The following EGLN3 variants were observed in gnomAD, a reference collection of about 807,000 sequenced individuals.
EGLN3 encodes the protein egl-9 family hypoxia inducible factor 3.
A neutral mutation model predicts 26.0 loss-of-function variants in EGLN3; 15 were observed. That is an observed-to-expected ratio of 0.58 (90% CI 0.39 to 0.89). The LOEUF is 0.89. Ranked by LOEUF, EGLN3 falls within the 40% of genes least tolerant of loss-of-function variation. EGLN3 has a pLI of 0.00. For synonymous variants in EGLN3, 147 were observed against 127.2 expected (o/e 1.16, Z -1.05); for missense variants, 238 against 311.6 (o/e 0.76, Z 1.78).
At chr14:33,945,330 T>G (rs1358670922) in intron 1 of EGLN3, among the ~76,000 whole-genome samples, 6 of 152,230 alleles carry the variant, frequency 3.9e-5, no homozygotes, top group Non-Finnish European at 8.8e-5. Context: ...CTCTGTGCTC[T>G]AAGAGCTATA....
intron 1 of EGLN3, among the ~76,000 whole-genome samples, chr14:33,936,625 G>A (rs1260917619): frequency 3.3e-5 from 5 of 152,012 alleles, no homozygotes; most frequent in South Asian, 2.1e-4. Context: ...GAGGGGAAAG[G>A]GGATTAGTAG....
rs2064550459 is a variant in EGLN3, at chr14:33,950,430, C to T, written c.323G>A (p.Arg108Gln). Residue 108 changes from arginine (R) to glutamine (Q), a missense_variant, in exon 1 of 5, where the codon CGG becomes CAG. By Grantham distance (43) the Arg-to-Gln change is conservative (BLOSUM62 1). Coordinates refer to ENST00000250457, the MANE Select transcript of EGLN3 (RefSeq NM_022073.4). ...IDRLVLYCGS[R>Q]LGKYYVKERS... Reference sequence around the variant, plus strand: ...CTCCTTGACGTAGTATTTGCCCAGCCGGCTCCCGCAGTAGAGGACCAGCCT... The same window carrying T: ...CTCCTTGACGTAGTATTTGCCCAGCTGGCTCCCGCAGTAGAGGACCAGCCT... The T allele has an allele frequency of 6.2e-7, 1 of 1,613,300 alleles. No individual in the cohort carries two copies. Among genetic ancestry groups the T allele is most frequent in the Non-Finnish European group, 8.5e-7 (1 of 1,180,036 alleles).
chr14:33,927,323 C>G (rs2064369564), intron 3 of EGLN3, among the ~76,000 whole-genome samples: 1 of 151,978 alleles, frequency 6.6e-6, no homozygotes, highest in Non-Finnish European at 1.5e-5. Context: ...TGCACGCTAC[C>G]ACACCCAGCT....
chr14:33,928,764 TA>T (rs1022948652), intron 3 of EGLN3, among the ~76,000 whole-genome samples: 1 of 151,914 alleles, frequency 6.6e-6, no homozygotes, highest in Non-Finnish European at 1.5e-5. Context: ...TTAGGTTTTT[TA>T]AAAAAAGGGA....
chr14:33,948,035 AAAT>A (rs1273561919), intron 1 of EGLN3, among the ~76,000 whole-genome samples: 4 of 152,078 alleles, frequency 2.6e-5, no homozygotes, highest in East Asian at 1.9e-4. Flanking sequence ...CATCTCAAAA[AAAT>A]AATAATAATA....
intron 3 of EGLN3, 87 bp from the exon 4 acceptor site, chr14:33,927,120 T>TA: frequency 1.3e-6 from 1 of 750,652 alleles, no homozygotes; most frequent in Non-Finnish European, 1.9e-6. Flanking sequence ...TTAAAAGTTT[T>TA]AAAGTTTTCT....
chr14:33,931,377 C>T (rs2064402532), intron 1 of EGLN3, 162 bp from the exon 2 acceptor site: 1 of 1,015,094 alleles, frequency 9.9e-7, no homozygotes, highest in Non-Finnish European at 1.4e-6. Context: ...AATTTGGACT[C>T]TTCTGTGCAC....
Position 33,924,672 on chromosome 14 carries a change from G to T in EGLN3, c.*1219C>A, listed in dbSNP as rs949453240. The T allele has an allele frequency of 6.6e-6, 1 of 152,046 alleles. No individual in the cohort carries two copies. Among genetic ancestry groups the T allele is most frequent in the African/African-American group, 2.4e-5 (1 of 41,418 alleles). The allele number at this position is 152,046 out of a possible 1,614,324, so 9.4% of individuals were successfully genotyped here. On this transcript the variant is annotated 3_prime_UTR_variant, in exon 5 of 5. Transcript: ENST00000250457. ...CTGAAAACTAGGAAAAGTAGCTTTT[G>T]CAAAATACGTGCTCAATACCAAGTT...
intron 1 of EGLN3, among the ~76,000 whole-genome samples, chr14:33,944,480 A>G (rs570530246): frequency 9.2e-5 from 14 of 152,298 alleles, no homozygotes; most frequent in South Asian, 4.1e-4. Context: ...TCAAGATATC[A>G]TCTCTCCAAA....
intron 1 of EGLN3, among the ~76,000 whole-genome samples, chr14:33,940,133 C>G (rs1365059918): frequency 6.6e-6 from 1 of 152,124 alleles, no homozygotes; most frequent in African/African-American, 2.4e-5. Context: ...CCTACTTGTC[C>G]AAGTCATCTT....
At chr14:33,944,602 C>A (rs1046571442) in intron 1 of EGLN3, among the ~76,000 whole-genome samples, 1 of 152,174 alleles carries the variant, frequency 6.6e-6, no homozygotes, top group Admixed American at 6.5e-5. Flanking sequence ...ATCACTTGTT[C>A]TGGTTGCTTC....
At chr14:33,937,783 C>G (rs2064452862) in intron 1 of EGLN3, among the ~76,000 whole-genome samples, 1 of 152,156 alleles carries the variant, frequency 6.6e-6, no homozygotes. Flanking sequence ...GGTAGAACAA[C>G]GGTCATCACA....
chr14:33,932,569 G>A (rs2064412303), intron 1 of EGLN3, among the ~76,000 whole-genome samples: 1 of 151,940 alleles, frequency 6.6e-6, no homozygotes, highest in Non-Finnish European at 1.5e-5. Context: ...CAATAATAAG[G>A]CTGAATAGTA....
In EGLN3 at chr14:33,929,147, A is replaced by G; in HGVS notation, c.543T>C (p.Ile181=). ...GKSFIADVEP[I]FDRLLFFWSD... Reference sequence around the variant, plus strand: ...ACCAGAAGAACAGGAGTCTGTCAAAAATGGGCTCCACATCTGCTATGAATG... The same window carrying G: ...ACCAGAAGAACAGGAGTCTGTCAAAGATGGGCTCCACATCTGCTATGAATG... The change falls in exon 3 of 5, where the codon ATT becomes ATC. Residue 181 remains isoleucine, a synonymous_variant. Transcript: ENST00000250457. 1 of 1,614,228 alleles carries G rather than the reference A, an allele frequency of 6.2e-7. No homozygotes were observed. Among genetic ancestry groups the G allele is most frequent in the Non-Finnish European group, 8.5e-7 (1 of 1,180,040 alleles).
chr14:33,947,818 G>A (rs1371098241), intron 1 of EGLN3, among the ~76,000 whole-genome samples: 3 of 152,132 alleles, frequency 2.0e-5, no homozygotes, highest in South Asian at 2.1e-4. Context: ...TTGGGAGGCC[G>A]AGGCGGGTGG....
At chr14:33,928,837 CCAA>C (rs1237640023) in intron 3 of EGLN3, among the ~76,000 whole-genome samples, 1 of 152,134 alleles carries the variant, frequency 6.6e-6, no homozygotes, top group African/African-American at 2.4e-5. Context: ...AAATTGGAAT[CCAA>C]TATGCTCATC....
At chr14:33,936,166 G>C (rs1391724609) in intron 1 of EGLN3, among the ~76,000 whole-genome samples, 2 of 152,064 alleles carry the variant, frequency 1.3e-5, no homozygotes, top group African/African-American at 4.8e-5. Context: ...GGAAGTGGAG[G>C]TTGCAGTGAG....
chr14:33,928,392 G>A (rs568492842), intron 3 of EGLN3, among the ~76,000 whole-genome samples: 102 of 152,216 alleles, frequency 6.7e-4, no homozygotes, highest in African/African-American at 2.3e-3. Context: ...AATGCTGCCC[G>A]GCTTATTGCT....
intron 1 of EGLN3, among the ~76,000 whole-genome samples, chr14:33,942,478 T>A (rs2064490420): frequency 6.6e-6 from 1 of 152,154 alleles, no homozygotes; most frequent in Non-Finnish European, 1.5e-5. Flanking sequence ...TTTCAGTACT[T>A]TGGGAGGCCT....
Sources: allele counts gnomAD v4.1 joint callset (sites outside exome capture counted in the v4.1 genomes callset), GRCh38; gene constraint gnomAD v4.1.1; transcripts MANE v1.5; gene names NCBI Gene and HGNC (gene_info 2026-07-23, HGNC 2026-07-21).